The following PRKG2 variants were observed in gnomAD, a reference collection of about 807,000 sequenced individuals.
The protein encoded by PRKG2 is cGMP-dependent protein kinase 2.
In PRKG2, 33 loss-of-function variants were observed where a neutral mutation model predicts 97.2. That is an observed-to-expected ratio of 0.34 (90% CI 0.26 to 0.45). The LOEUF is 0.45. Among genes scored for constraint, PRKG2 ranks in the 20% least tolerant of loss-of-function variants. The pLI is 1.00. For missense variants in PRKG2, 638 were observed against 900.0 expected, an observed-to-expected ratio of 0.71 and a Z score of 3.73; for synonymous variants, 330 against 321.8, an observed-to-expected ratio of 1.03 and a Z score of -0.27.
chr4:81,154,524 G>C (rs1181779461), intron 6 of PRKG2, among the ~76,000 whole-genome samples: 1 of 141,300 alleles, frequency 7.1e-6, no homozygotes. Context: ...CACCTCACAC[G>C]GCAGGGTACT....
At chr4:81,199,806 A>G (rs1200113945) in intron 2 of PRKG2, among the ~76,000 whole-genome samples, 1 of 152,198 alleles carries the variant, frequency 6.6e-6, no homozygotes, top group Non-Finnish European at 1.5e-5. Context: ...CCTTTTCCAC[A>G]TCTTATTTAA....
rs377756970 is a variant in PRKG2, at chr4:81,198,558, G to A, written c.461+6029C>T. 2.4e-4 allele frequency among the ~76,000 whole-genome samples: 36 copies of A among 152,048 alleles called. No individual in the cohort carries two copies. In the East Asian group the frequency reaches 4.8e-3, roughly 20 times the overall value. ...AACCCCAAGGGAAGCCACTCACACTGTAGGCTGCACAGGCTATAAATGTTG... is the reference window on the plus strand; with the variant it reads ...AACCCCAAGGGAAGCCACTCACACTATAGGCTGCACAGGCTATAAATGTTG... On this transcript the variant is annotated intron_variant, in intron 2 of 18. Coordinates refer to ENST00000264399, the MANE Select transcript of PRKG2 (RefSeq NM_006259.3).
At chr4:81,196,829 T>C (rs1243299907) in intron 2 of PRKG2, among the ~76,000 whole-genome samples, 4 of 146,360 alleles carry the variant, frequency 2.7e-5, no homozygotes, top group Non-Finnish European at 5.9e-5. Flanking sequence ...AACTAACAAA[T>C]ACCTCTAGGG....
chr4:81,163,017 AG>A (rs1749696478), intron 6 of PRKG2, among the ~76,000 whole-genome samples: 1 of 152,160 alleles, frequency 6.6e-6, no homozygotes, highest in Non-Finnish European at 1.5e-5. Flanking sequence ...ATAACTTCAA[AG>A]GGGGAAAAGC....
intron 2 of PRKG2, among the ~76,000 whole-genome samples, chr4:81,188,279 C>T (rs1398909637): frequency 2.0e-5 from 3 of 150,546 alleles, no homozygotes; most frequent in South Asian, 2.1e-4. Flanking sequence ...AAAATGCTCA[C>T]CATCACTGGC....
intron 6 of PRKG2, among the ~76,000 whole-genome samples, chr4:81,157,068 A>T (rs995893250): frequency 2.6e-5 from 4 of 152,206 alleles, no homozygotes; most frequent in East Asian, 1.9e-4. Flanking sequence ...AAGGCAAAAA[A>T]TAACTAAAAT....
rs189322484 is a variant in PRKG2 at position 81,125,962 on chromosome 4, T to C, written c.1776+9193A>G. Among the ~76,000 whole-genome samples the C allele has an allele frequency of 6.6e-3, 1,010 of 152,284 alleles. 13 individuals are homozygous for C. Among genetic ancestry groups the C allele is most frequent in the African/African-American group, 0.023 (942 of 41,546 alleles). On this transcript the variant is annotated intron_variant, in intron 14 of 18. Coordinates refer to ENST00000264399, the MANE Select transcript of PRKG2 (RefSeq NM_006259.3). ...TTACATAGGTATACACGTGCCATGG[T>C]AGTTTGCTGCACCCATCAACCTGTC... is the stretch of plus-strand genomic sequence containing the variant.
intron 1 of PRKG2, among the ~76,000 whole-genome samples, chr4:81,214,696 T>C (rs1336522668): frequency 6.6e-6 from 1 of 151,722 alleles, no homozygotes; most frequent in Non-Finnish European, 1.5e-5. Context: ...CAACAGAACC[T>C]CTAAACACAA....
Position 81,184,544 on chromosome 4 carries a change from A to G in PRKG2, c.462-9585T>C, listed in dbSNP as rs569790622. Among the ~76,000 whole-genome samples, 562 of 152,316 alleles carry G rather than the reference A, an allele frequency of 3.7e-3. 1 individual carries two copies. Among genetic ancestry groups the G allele is most frequent in the Middle Eastern group, 0.02 (6 of 294 alleles). The stretch of plus-strand genomic sequence containing the variant: ...TCCATGAAGATGAGGAAAAACCAGT[A>G]CAAAAAGGCTGAAAATTCCAAAAAC... On this transcript the variant is annotated intron_variant, in intron 2 of 18. Transcript: ENST00000264399.
intron 9 of PRKG2, among the ~76,000 whole-genome samples, chr4:81,145,997 C>G (rs1747824376): frequency 6.6e-6 from 1 of 152,128 alleles, no homozygotes; most frequent in Non-Finnish European, 1.5e-5. Context: ...CCCTCCAGAT[C>G]TATTCTCTAC....
intron 2 of PRKG2, among the ~76,000 whole-genome samples, chr4:81,188,184 C>T (rs1224007408): frequency 6.6e-6 from 1 of 151,672 alleles, no homozygotes; most frequent in Admixed American, 6.6e-5. Context: ...AAGAAAAAAA[C>T]AAACAACCCC....
intron 10 of PRKG2, among the ~76,000 whole-genome samples, chr4:81,143,502 A>G: frequency 6.6e-6 from 1 of 152,298 alleles, no homozygotes; most frequent in Non-Finnish European, 1.5e-5. Context: ...CTTTATGTCT[A>G]AGTAATATCC....
At position 81,088,549 on chromosome 4, in the gene PRKG2, G is replaced by A. The variant is rs1343264646; in HGVS notation, c.*1159C>T. 1.3e-5 allele frequency: 2 copies of A among 152,082 alleles called. No individual in the cohort carries two copies. The highest frequency in any genetic ancestry group is 1.5e-5 in the Non-Finnish European group (1 of 67,994). 9.4% of individuals were successfully genotyped at this position (152,082 alleles called of 1,614,324 possible). On this transcript the variant is annotated 3_prime_UTR_variant, in exon 19 of 19. Transcript: ENST00000264399. ...TGAAACTATCCTACTTATTATTTGG[G>A]AGAGTGCAAGGAAGGGATAGGAGGG...
At position 81,173,021 on chromosome 4, in the gene PRKG2, C is replaced by A. The variant is rs1750630047; in HGVS notation, c.629-1217G>T. On this transcript the variant is annotated intron_variant, in intron 3 of 18. Transcript: ENST00000264399. ...TATCAAAGCCACTTAGTGGTAGTGT[C>A]CAGTTGATATCATGAATCTTAATGC... Among the ~76,000 whole-genome samples, 4 of 152,036 alleles carry A rather than the reference C, an allele frequency of 2.6e-5. No individual in the cohort carries two copies. The South Asian group carries it at 6.2e-4, about 24-fold the overall frequency.
chr4:81,124,514 T>C (rs937583339), intron 14 of PRKG2, among the ~76,000 whole-genome samples: 4 of 152,328 alleles, frequency 2.6e-5, no homozygotes, highest in Non-Finnish European at 4.4e-5. Context: ...AAAAGCTTTG[T>C]AGCTTTTTCA....
chr4:81,175,828 T>G (rs1489792168), intron 2 of PRKG2, among the ~76,000 whole-genome samples: 4 of 152,126 alleles, frequency 2.6e-5, no homozygotes, highest in Non-Finnish European at 5.9e-5. Flanking sequence ...TTAATGAAAA[T>G]TATTCATATG....
intron 6 of PRKG2, among the ~76,000 whole-genome samples, chr4:81,157,539 C>T (rs1210289831): frequency 6.6e-6 from 1 of 152,170 alleles, no homozygotes; most frequent in Non-Finnish European, 1.5e-5. Flanking sequence ...GAAACTATTC[C>T]AGTCCATAGA....
In PRKG2 at chr4:81,118,150, G is replaced by A. The variant is rs182290175; in HGVS notation, c.1777-7539C>T. On this transcript the variant is annotated intron_variant, in intron 14 of 18. Coordinates refer to ENST00000264399, the MANE Select transcript of PRKG2 (RefSeq NM_006259.3). ...TTAATAATATGCATTTTGTTTTTTCGCATCTTTTCGCGGCTTGATAACTCA... is the reference window on the plus strand; with the variant it reads ...TTAATAATATGCATTTTGTTTTTTCACATCTTTTCGCGGCTTGATAACTCA... Among the ~76,000 whole-genome samples, 67 of 152,058 alleles carry A rather than the reference G, an allele frequency of 4.4e-4. No individual in the cohort carries two copies. The East Asian group carries it at 0.01, about 23-fold the overall frequency.
chr4:81,117,663 G>A lies in PRKG2; in HGVS notation c.1777-7052C>T, dbSNP rs143086620. On this transcript the variant is annotated intron_variant, in intron 14 of 18. Coordinates refer to ENST00000264399, the MANE Select transcript of PRKG2 (RefSeq NM_006259.3). Reference sequence around the variant, plus strand: ...TTCTCATTTAATCTGGTAAAGTGGCGATTTAGTAAAATTTTTAAGACTTCA... The same window carrying A: ...TTCTCATTTAATCTGGTAAAGTGGCAATTTAGTAAAATTTTTAAGACTTCA... 7.0e-3 allele frequency among the ~76,000 whole-genome samples: 1,059 copies of A among 152,212 alleles called. 17 individuals are homozygous for A. Among genetic ancestry groups the A allele is most frequent in the African/African-American group, 0.024 (1,002 of 41,546 alleles).
Sources: gnomAD v4.1 joint callset for allele counts (sites outside exome capture counted in the v4.1 genomes callset) on GRCh38, gnomAD v4.1.1 for gene constraint, MANE v1.5 for transcripts, NCBI Gene and HGNC (gene_info 2026-07-23, HGNC 2026-07-21) for gene names.